BTBD9: variants seen among roughly 807,000 people sequenced by gnomAD.
BTBD9 encodes the protein BTB domain containing 9.
BTBD9 carries 49 observed loss-of-function variants against 64.3 expected under a neutral mutation model. The observed-to-expected ratio is 0.76, with a 90% CI of 0.61 to 0.97. BTBD9 has a LOEUF of 0.97. Ranked by LOEUF, BTBD9 falls within the 50% of genes least tolerant of loss-of-function variation. BTBD9 has a pLI of 0.00. For synonymous variants in BTBD9, 260 were observed against 274.7 expected (o/e 0.95, Z 0.53); for missense variants, 598 against 762.1 (o/e 0.78, Z 2.53).
chr6:38,463,066 G>C (rs1453979144), intron 6 of BTBD9, among the ~76,000 whole-genome samples: 1 of 152,192 alleles, frequency 6.6e-6, no homozygotes, highest in Admixed American at 6.5e-5. Context: ...AAAGTGCTGG[G>C]ATTACAGGCA....
At chr6:38,391,058 C>T (rs9296248) in intron 6 of BTBD9, among the ~76,000 whole-genome samples, 56,874 of 151,998 alleles carry the variant, frequency 0.37, 12,904 homozygotes, top group East Asian at 0.87. Flanking sequence ...TCAAATCTTA[C>T]CCATTTTTAA....
intron 8 of BTBD9, among the ~76,000 whole-genome samples, chr6:38,258,524 T>C (rs1464666932): frequency 6.6e-6 from 1 of 152,240 alleles, no homozygotes; most frequent in East Asian, 1.9e-4. Context: ...ATTTTTTCTA[T>C]ACCATTCACA....
At position 38,608,141 on chromosome 6, in the gene BTBD9, C is replaced by T. The variant is rs186029737; in HGVS notation, c.-27-10020G>A. 2.0e-5 allele frequency among the ~76,000 whole-genome samples: 3 copies of T among 152,222 alleles called. No homozygotes were observed. In the East Asian group the frequency reaches 5.8e-4, roughly 29 times the overall value. On this transcript the variant is annotated intron_variant, in intron 1 of 10. Coordinates refer to ENST00000481247, the MANE Select transcript of BTBD9 (RefSeq NM_001099272.2). The stretch of plus-strand genomic sequence containing the variant: ...CTCATTTGCTCTAGTATATGACTCC[C>T]TATAAGGCAATCTCCCATAAAATAA...
chr6:38,234,443 C>G (rs1374185789), intron 9 of BTBD9, among the ~76,000 whole-genome samples: 2 of 152,162 alleles, frequency 1.3e-5, no homozygotes, highest in Non-Finnish European at 2.9e-5. Flanking sequence ...CTCGACCCCA[C>G]ATGGAAGAGT....
intron 6 of BTBD9, among the ~76,000 whole-genome samples, chr6:38,437,754 CA>C (rs1768805776): frequency 6.6e-6 from 1 of 151,938 alleles, no homozygotes; most frequent in African/African-American, 2.4e-5. Flanking sequence ...CTGAAATGTT[CA>C]AGAGTAAACT....
intron 7 of BTBD9, among the ~76,000 whole-genome samples, chr6:38,294,411 C>A (rs1396363829): frequency 6.6e-6 from 1 of 152,182 alleles, no homozygotes; most frequent in African/African-American, 2.4e-5. Flanking sequence ...CCCAAATGCC[C>A]ATCAATGATA....
chr6:38,324,355 C>T (rs1320368421), intron 7 of BTBD9, among the ~76,000 whole-genome samples: 8 of 152,092 alleles, frequency 5.3e-5, no homozygotes, highest in Admixed American at 2.6e-4. Context: ...TTATAGAAAA[C>T]GTCATGTCTA....
chr6:38,298,213 A>G (rs1762233911), intron 7 of BTBD9, among the ~76,000 whole-genome samples: 1 of 151,936 alleles, frequency 6.6e-6, no homozygotes, highest in East Asian at 1.9e-4. Context: ...AGCTATCCCA[A>G]CTGATTTGGT....
chr6:38,374,284 T>TATATATATATATATATAC (rs1491511837), intron 6 of BTBD9, among the ~76,000 whole-genome samples: 3 of 58,194 alleles, frequency 5.2e-5, no homozygotes, highest in South Asian at 7.7e-4. Context: ...AAAAAAAAAG[T>TATATATATATATATATAC]ATATATATAT....
At chr6:38,527,469 T>C (rs753241374) in intron 6 of BTBD9, among the ~76,000 whole-genome samples, 7 of 152,002 alleles carry the variant, frequency 4.6e-5, no homozygotes, top group Non-Finnish European at 8.8e-5. Context: ...GCTGTTCTCA[T>C]GATAGTGAGT....
At chr6:38,183,006 G>C (rs1302034784) in intron 10 of BTBD9, among the ~76,000 whole-genome samples, 2 of 147,400 alleles carry the variant, frequency 1.4e-5, no homozygotes, top group African/African-American at 5.0e-5. Flanking sequence ...CTGAGACAGA[G>C]TCTTGCTCTG....
intron 6 of BTBD9, among the ~76,000 whole-genome samples, chr6:38,355,874 G>A (rs1456380023): frequency 6.6e-6 from 1 of 152,136 alleles, no homozygotes; most frequent in Non-Finnish European, 1.5e-5. Flanking sequence ...AGTTTCCTGA[G>A]ATATGGTTTC....
intron 7 of BTBD9, among the ~76,000 whole-genome samples, chr6:38,340,009 G>C (rs1764039243): frequency 6.6e-6 from 1 of 152,148 alleles, no homozygotes; most frequent in Admixed American, 6.5e-5. Flanking sequence ...ATTGGGGATA[G>C]AGCAAATGAA....
In BTBD9 at chr6:38,403,023, T is replaced by C. The variant is rs75028090; in HGVS notation, c.1155-57930A>G. 0.012 allele frequency: 5,625 copies of C among 479,954 alleles called. 378 individuals are homozygous for C. In the East Asian group the frequency reaches 0.21, roughly 18 times the overall value. The allele number at this position is 479,954 out of a possible 1,614,324, so 29.7% of individuals were successfully genotyped here. A position where few individuals can be genotyped will look rare whatever the true frequency, so the allele number is the denominator to read the frequency against. ...GGGACACAGAGGCTGCAGTGAGCTATCATTGCACTCCAGCCTGGGTGATAG... is the reference window on the plus strand; with the variant it reads ...GGGACACAGAGGCTGCAGTGAGCTACCATTGCACTCCAGCCTGGGTGATAG... On this transcript the variant is annotated intron_variant, in intron 6 of 10. Transcript: ENST00000481247.
chr6:38,597,870 C>A (rs763744982), intron 2 of BTBD9, 40 bp downstream of exon 2: 3 of 1,571,696 alleles, frequency 1.9e-6, no homozygotes, highest in South Asian at 1.1e-5. Context: ...GTGTTTTCTA[C>A]AAGTGAACTA....
intron 6 of BTBD9, among the ~76,000 whole-genome samples, chr6:38,554,650 T>C (rs1774941419): frequency 6.6e-6 from 1 of 152,222 alleles, no homozygotes; most frequent in African/African-American, 2.4e-5. Flanking sequence ...TTTCAAGTGA[T>C]ATATGTTCTT....
In BTBD9 at chr6:38,174,648, T is replaced by C. The variant is rs919544513; in HGVS notation, c.*337A>G. The C allele has an allele frequency of 7.2e-6, 2 of 277,686 alleles. No homozygotes were observed. Among genetic ancestry groups the C allele is most frequent in the African/African-American group, 2.2e-5 (1 of 46,498 alleles). 17.2% of individuals were successfully genotyped at this position (277,686 alleles called of 1,614,324 possible). On this transcript the variant is annotated 3_prime_UTR_variant, in exon 11 of 11. Coordinates refer to ENST00000481247, the MANE Select transcript of BTBD9 (RefSeq NM_001099272.2). ...CCTCCGCCTGAGTGTTTGCGTGCCATTTTTGTATTCCAACACAGGCCTGTC... is the reference window on the plus strand; with the variant it reads ...CCTCCGCCTGAGTGTTTGCGTGCCACTTTTGTATTCCAACACAGGCCTGTC...
chr6:38,576,365 C>T (rs1282637795), intron 6 of BTBD9, among the ~76,000 whole-genome samples: 1 of 151,784 alleles, frequency 6.6e-6, no homozygotes, highest in Non-Finnish European at 1.5e-5. Context: ...ACACTTTAGT[C>T]TGTCTTTGGG....
chr6:38,419,824 C>T (rs550543228), intron 6 of BTBD9, among the ~76,000 whole-genome samples: 70 of 152,122 alleles, frequency 4.6e-4, no homozygotes, highest in African/African-American at 1.5e-3. Flanking sequence ...AAGCCGAGAT[C>T]GCGACACTGC....
Sources: gnomAD v4.1 joint callset for allele counts (sites outside exome capture counted in the v4.1 genomes callset) on GRCh38, gnomAD v4.1.1 for gene constraint, MANE v1.5 for transcripts, NCBI Gene and HGNC (gene_info 2026-07-23, HGNC 2026-07-21) for gene names.